Variants in AKAP13 observed in about 807,000 individuals in gnomAD.
AKAP13 encodes the protein A-kinase anchor protein 13.
AKAP13 carries 80 observed loss-of-function variants against 264.5 expected under a neutral mutation model. That is an observed-to-expected ratio of 0.30 (90% CI 0.25 to 0.36). AKAP13 has a LOEUF of 0.36. AKAP13 is among the 10% of genes least tolerant of loss of function. The pLI, the probability that AKAP13 is intolerant of heterozygous loss-of-function variation, is 1.00. For synonymous variants in AKAP13, 1,380 were observed against 1,250.2 expected (o/e 1.10, Z -2.19); for missense variants, 3,712 against 3,435.2 (o/e 1.08, Z -2.01).
rs945261893 is a variant in AKAP13 at position 85,434,521 on chromosome 15, CACAG to C, written c.-11-51185_-11-51182del. Among the ~76,000 whole-genome samples, 347 of 152,184 alleles carry C rather than the reference CACAG, an allele frequency of 2.3e-3. 3 individuals carry two copies. Among genetic ancestry groups the C allele is most frequent in the African/African-American group, 7.9e-3 (330 of 41,528 alleles). ...GTAGGCTCCACCTCTGGGGGCAGGGCACAGACAAACAAAAAGACAGCAGTAACCT... is the reference window on the plus strand; with the variant it reads ...GTAGGCTCCACCTCTGGGGGCAGGGCACAAACAAAAAGACAGCAGTAACCT... On this transcript the variant is annotated intron_variant, in intron 1 of 36. Transcript: ENST00000394518.
chr15:85,698,958 A>AG (rs2085740152), intron 17 of AKAP13, among the ~76,000 whole-genome samples: 1 of 151,492 alleles, frequency 6.6e-6, no homozygotes, highest in Non-Finnish European at 1.5e-5. Context: ...AAAAAAAAAA[A>AG]AAAAAAAAAA....
Position 85,748,122 on chromosome 15 carries a change from C to T in AKAP13, c.*3445C>T, listed in dbSNP as rs1327398216. The T allele has an allele frequency of 6.6e-6, 1 of 152,212 alleles. No individual in the cohort carries two copies. Among genetic ancestry groups the T allele is most frequent in the Non-Finnish European group, 1.5e-5 (1 of 68,036 alleles). The allele number at this position is 152,212 out of a possible 1,614,324, so 9.4% of individuals were successfully genotyped here. A position where few individuals can be genotyped will look rare whatever the true frequency, so the allele number is the denominator to read the frequency against. On this transcript the variant is annotated 3_prime_UTR_variant, in exon 37 of 37. Coordinates refer to ENST00000394518, the MANE Select transcript of AKAP13 (RefSeq NM_007200.5). ...CATTTTTGTTTCTAGGGCTCTTTTT[C>T]TGTAGCCAGGTCTTCCCAAGGATTT... is the stretch of plus-strand genomic sequence containing the variant.
rs992171370 is a variant in AKAP13 at position 85,744,974 on chromosome 15, T to C, written c.*297T>C. 1 of 306,692 alleles carries C rather than the reference T, an allele frequency of 3.3e-6. No individual in the cohort carries two copies. Among genetic ancestry groups the C allele is most frequent in the African/African-American group, 2.2e-5 (1 of 45,822 alleles). The allele number at this position is 306,692 out of a possible 1,614,324, so 19.0% of individuals were successfully genotyped here. A position where few individuals can be genotyped will look rare whatever the true frequency, so the allele number is the denominator to read the frequency against. On this transcript the variant is annotated 3_prime_UTR_variant, in exon 37 of 37. Coordinates refer to ENST00000394518, the MANE Select transcript of AKAP13 (RefSeq NM_007200.5). Reference sequence around the variant, plus strand: ...GCCTCGTAAGTACAGGTGATGGTTTTGGACACGTCAGGAATTCCTAAAGGC... The same window carrying C: ...GCCTCGTAAGTACAGGTGATGGTTTCGGACACGTCAGGAATTCCTAAAGGC...
At position 85,749,178 on chromosome 15, in the gene AKAP13, ATTAT is replaced by A; in HGVS notation, c.*4502_*4505del. The A allele has an allele frequency of 6.6e-6, 1 of 152,368 alleles. No individual in the cohort carries two copies. Among genetic ancestry groups the A allele is most frequent in the African/African-American group, 2.4e-5 (1 of 41,582 alleles). The allele number at this position is 152,368 out of a possible 1,614,324, so 9.4% of individuals were successfully genotyped here. ...CCCAGATGCTGTATATTCATTTGTA[ATTAT>A]GTATAAAGTGAAGCAGTTTTAAACT... On this transcript the variant is annotated 3_prime_UTR_variant, in exon 37 of 37. Coordinates refer to ENST00000394518, the MANE Select transcript of AKAP13 (RefSeq NM_007200.5).
chr15:85,664,825 C>CTA, intron 13 of AKAP13, 70 bp downstream of exon 13: 1 of 1,443,514 alleles, frequency 6.9e-7, no homozygotes, highest in Non-Finnish European at 9.4e-7. Flanking sequence ...GGCAAGGCTT[C>CTA]TGGTAGTATA....
chr15:85,565,408 T>G (rs2078570992), intron 5 of AKAP13, among the ~76,000 whole-genome samples: 1 of 152,234 alleles, frequency 6.6e-6, no homozygotes, highest in Non-Finnish European at 1.5e-5. Context: ...CCAGAATTTC[T>G]AGTGCATTTG....
chr15:85,646,078 C>T (rs2082547409), intron 10 of AKAP13, 124 bp downstream of exon 10: 1 of 1,239,332 alleles, frequency 8.1e-7, no homozygotes, highest in African/African-American at 1.5e-5. Context: ...TATGTAACTC[C>T]TGCTAGTAAG....
chr15:85,552,295 T>A (rs2077985264), intron 5 of AKAP13, among the ~76,000 whole-genome samples: 1 of 152,210 alleles, frequency 6.6e-6, no homozygotes, highest in Admixed American at 6.5e-5. Context: ...CTCTATCTAG[T>A]TGAACTACAG....
At chr15:85,653,707 A>C (rs997306947) in intron 10 of AKAP13, among the ~76,000 whole-genome samples, 1 of 152,132 alleles carries the variant, frequency 6.6e-6, no homozygotes, top group African/African-American at 2.4e-5. Flanking sequence ...TAAAACATTG[A>C]GTAGACTAAT....
intron 30 of AKAP13, among the ~76,000 whole-genome samples, chr15:85,733,873 CT>C (rs72092500): frequency 0.19 from 15,543 of 82,854 alleles, 608 homozygotes; most frequent in African/African-American, 0.32. Flanking sequence ...TCTTTCTTTT[CT>C]TTTTTTTTTT....
intron 8 of AKAP13, among the ~76,000 whole-genome samples, chr15:85,617,899 A>G (rs1225290008): frequency 2.0e-5 from 3 of 152,226 alleles, no homozygotes; most frequent in Admixed American, 1.3e-4. Context: ...AATTTTATTT[A>G]CAACTTTTAA....
intron 12 of AKAP13, among the ~76,000 whole-genome samples, chr15:85,662,850 C>CA (rs1457966645): frequency 6.8e-6 from 1 of 147,396 alleles, no homozygotes; most frequent in Non-Finnish European, 1.5e-5. Context: ...ATTCCAAATT[C>CA]AGAGACTCCT....
chr15:85,727,280 C>CCCT lies in AKAP13; in HGVS notation c.7004+37_7004+39dup, dbSNP rs1567216621. 6.2e-7 allele frequency: 1 copy of CCCT among 1,613,454 alleles called. No homozygotes were observed. Among genetic ancestry groups the CCCT allele is most frequent in the Admixed American group, 1.7e-5 (1 of 59,988 alleles). ...AACCACCAGGCCCCACCCTTCCCAGCCCTCCTGATGTCTCTGTGTGATTTC... is the reference window on the plus strand; with the variant it reads ...AACCACCAGGCCCCACCCTTCCCAGCCCTCCTCCTGATGTCTCTGTGTGATTTC... On this transcript the variant is annotated intron_variant, in intron 28 of 36. Coordinates refer to ENST00000394518, the MANE Select transcript of AKAP13 (RefSeq NM_007200.5). This position sits in a 1 kb window ranked among gnomAD's most constrained non-coding sequence, Gnocchi z 5.3.
intron 1 of AKAP13, among the ~76,000 whole-genome samples, chr15:85,387,743 G>A (rs2070649087): frequency 6.6e-6 from 1 of 152,074 alleles, no homozygotes; most frequent in African/African-American, 2.4e-5. Flanking sequence ...TTTGATTAGT[G>A]TTTTGTAGTT....
intron 1 of AKAP13, among the ~76,000 whole-genome samples, chr15:85,401,941 A>C (rs931851416): frequency 3.3e-5 from 5 of 152,248 alleles, no homozygotes; most frequent in African/African-American, 1.2e-4. Context: ...GTAAAGGATA[A>C]ATTCTGATGT....
intron 1 of AKAP13, among the ~76,000 whole-genome samples, chr15:85,478,418 T>C (rs938077775): frequency 5.9e-5 from 9 of 152,222 alleles, no homozygotes; most frequent in African/African-American, 2.2e-4. Flanking sequence ...TTTAACTTAC[T>C]ATTTTAAATT....
At chr15:85,628,753 C>G (rs185199681) in intron 8 of AKAP13, among the ~76,000 whole-genome samples, 2 of 152,080 alleles carry the variant, frequency 1.3e-5, no homozygotes, top group East Asian at 1.9e-4. Context: ...TTCAGTAATG[C>G]CTTATTTTCT....
intron 15 of AKAP13, among the ~76,000 whole-genome samples, chr15:85,683,992 C>T (rs2084756713): frequency 1.3e-5 from 2 of 152,164 alleles, no homozygotes; most frequent in Admixed American, 1.3e-4. Flanking sequence ...GTCCACAGTC[C>T]TGATTGTCCC....
At chr15:85,518,126 C>T (rs917985699) in intron 2 of AKAP13, among the ~76,000 whole-genome samples, 20 of 152,178 alleles carry the variant, frequency 1.3e-4, no homozygotes, top group African/African-American at 1.4e-4. Context: ...TGGTCTTTCC[C>T]AGGCACAGCA....
Sources: gnomAD v4.1 joint callset for allele counts (sites outside exome capture counted in the v4.1 genomes callset) on GRCh38, gnomAD v4.1.1 for gene constraint, Gnocchi (gnomAD v3.1) non-coding constraint, MANE v1.5 for transcripts, NCBI Gene and HGNC (gene_info 2026-07-23, HGNC 2026-07-21) for gene names.